MCC: variants seen among roughly 807,000 people sequenced by gnomAD.
MCC encodes MCC regulator of Wnt signaling pathway.
Under a neutral mutation model 116.2 loss-of-function variants are expected in MCC, and 90 were observed. The observed-to-expected ratio is 0.77, with a 90% confidence interval of 0.65 to 0.92. MCC has a LOEUF of 0.92. Ranked by LOEUF, MCC falls within the 40% of genes least tolerant of loss-of-function variation. The pLI is 0.00. For missense variants in MCC, 1,516 were observed against 1,312.2 expected (o/e 1.16, Z -2.40); for synonymous variants, 578 against 510.5 (o/e 1.13, Z -1.78).
chr5:113,177,250 TGAGGACTA>T (rs1581206542), intron 3 of MCC, among the ~76,000 whole-genome samples: 1 of 152,316 alleles, frequency 6.6e-6, no homozygotes, highest in East Asian at 1.9e-4. Context: ...GTAAACTCCT[TGAGGACTA>T]GCATTTTGTC....
At position 113,222,667 on chromosome 5, in the gene MCC, G is replaced by A. The variant is rs937276775; in HGVS notation, c.628-71245C>T. On this transcript the variant is annotated intron_variant, in intron 3 of 18. Transcript: ENST00000408903. The stretch of plus-strand genomic sequence containing the variant: ...GATTAATTCTCACTGGGGGAGAAAC[G>A]AAGAGAATATTCAAATCACATTTTG... 3.3e-5 allele frequency among the ~76,000 whole-genome samples: 5 copies of A among 152,188 alleles called. No homozygotes were observed. In the East Asian group the frequency reaches 5.8e-4, roughly 18 times the overall value.
Position 113,370,289 on chromosome 5 carries a change from G to A in MCC, c.415+14679C>T, listed in dbSNP as rs187565058. 5.8e-3 allele frequency among the ~76,000 whole-genome samples: 876 copies of A among 152,266 alleles called. 2 individuals are homozygous for A. The highest frequency in any genetic ancestry group is 8.8e-3 in the Non-Finnish European group (600 of 68,024). ...AACCATTCCTAGGCCATGAAGAGGCGAAGGTTTTTCCCTTTGGACACTGAG... is the reference window on the plus strand; with the variant it reads ...AACCATTCCTAGGCCATGAAGAGGCAAAGGTTTTTCCCTTTGGACACTGAG... On this transcript the variant is annotated intron_variant, in intron 2 of 18. Coordinates refer to ENST00000408903, the MANE Select transcript of MCC (RefSeq NM_001085377.2).
chr5:113,398,485 A>G (rs1434013463), intron 1 of MCC, among the ~76,000 whole-genome samples: 2 of 152,216 alleles, frequency 1.3e-5, no homozygotes, highest in African/African-American at 2.4e-5. Flanking sequence ...ATACCATGGA[A>G]TACCATGCAG....
chr5:113,285,711 A>G (rs13184538), intron 3 of MCC, among the ~76,000 whole-genome samples: 19,130 of 152,096 alleles, frequency 0.13, 1,334 homozygotes, highest in Non-Finnish European at 0.17. Flanking sequence ...TCCCCATTTC[A>G]TTCCCTGAGA....
At chr5:113,419,768 G>C (rs902089102) in intron 1 of MCC, among the ~76,000 whole-genome samples, 6 of 149,610 alleles carry the variant, frequency 4.0e-5, no homozygotes, top group Admixed American at 1.3e-4. Context: ...AACTATCTCA[G>C]GGACAAAAAA....
At chr5:113,100,075 T>C (rs1230680463) in intron 8 of MCC, among the ~76,000 whole-genome samples, 2 of 152,146 alleles carry the variant, frequency 1.3e-5, no homozygotes, top group East Asian at 1.9e-4. Context: ...GATGCAACTA[T>C]GGAGACTGTC....
At chr5:113,471,620 A>T (rs1772093511) in intron 1 of MCC, among the ~76,000 whole-genome samples, 1 of 151,986 alleles carries the variant, frequency 6.6e-6, no homozygotes, top group Non-Finnish European at 1.5e-5. Flanking sequence ...GGGGTCAGGG[A>T]CCCACTTGAG....
At chr5:113,107,208 C>CTTTTTTTTTTTTT (rs746820475) in intron 6 of MCC, among the ~76,000 whole-genome samples, 2 of 125,068 alleles carry the variant, frequency 1.6e-5, no homozygotes, top group African/African-American at 3.5e-5. Context: ...GCATGTTTTT[C>CTTTTTTTTTTTTT]TTTTTTTTTT....
At position 113,488,351 on chromosome 5, in the gene MCC, T is replaced by TGCCGCCGCCGCCGCCGCC. The variant is rs35336557; in HGVS notation, c.46_63dup (p.Gly16_Gly21dup). 2.7e-6 allele frequency: 4 copies of TGCCGCCGCCGCCGCCGCC among 1,455,516 alleles called. No homozygotes were observed. The highest frequency in any genetic ancestry group is 3.1e-5 in the East Asian group (1 of 32,352). 90.2% of individuals were successfully genotyped at this position (1,455,516 alleles called of 1,614,324 possible). ...TCGCTGCTGCTGCTGCTGCTGCCGC[T>TGCCGCCGCCGCCGCCGCC]GCCGCCGCCGCCGCCGCCGCTGCTG... is the stretch of plus-strand genomic sequence containing the variant. On this transcript the variant is annotated inframe_insertion, in exon 1 of 19. Transcript: ENST00000408903.
intron 2 of MCC, among the ~76,000 whole-genome samples, chr5:113,353,601 T>C (rs563725962): frequency 6.6e-6 from 1 of 152,260 alleles, no homozygotes; most frequent in South Asian, 2.1e-4. Flanking sequence ...TAAACCAATA[T>C]AGAATTGATA....
chr5:113,414,488 C>T (rs892697443), intron 1 of MCC, among the ~76,000 whole-genome samples: 3 of 152,162 alleles, frequency 2.0e-5, no homozygotes, highest in African/African-American at 7.2e-5. Context: ...ACAGTTAGCT[C>T]TTCTTGTTGA....
At chr5:113,396,539 A>C (rs964032131) in intron 1 of MCC, among the ~76,000 whole-genome samples, 7 of 152,042 alleles carry the variant, frequency 4.6e-5, no homozygotes, top group African/African-American at 1.7e-4. Flanking sequence ...CAGGAGGCTG[A>C]GGCAGTGGAT....
At chr5:113,411,970 A>G (rs1770004834) in intron 1 of MCC, among the ~76,000 whole-genome samples, 1 of 152,226 alleles carries the variant, frequency 6.6e-6, no homozygotes, top group African/African-American at 2.4e-5. Context: ...GAAGGGATCC[A>G]GTTTCAGCTT....
intron 11 of MCC, among the ~76,000 whole-genome samples, chr5:113,076,693 C>T (rs1246192989): frequency 6.6e-6 from 1 of 152,166 alleles, no homozygotes; most frequent in African/African-American, 2.4e-5. Flanking sequence ...CGGTACCAGC[C>T]ACTACAAAAA....
chr5:113,116,570 G>A (rs1477187371), intron 6 of MCC, among the ~76,000 whole-genome samples: 2 of 152,194 alleles, frequency 1.3e-5, no homozygotes, highest in Non-Finnish European at 2.9e-5. Flanking sequence ...CTCATTTTGA[G>A]TAAATGCTGT....
At chr5:113,108,773 C>A (rs932957385) in intron 6 of MCC, among the ~76,000 whole-genome samples, 5 of 152,090 alleles carry the variant, frequency 3.3e-5, no homozygotes, top group African/African-American at 9.7e-5. Context: ...ATCTACCCTT[C>A]AAACCAATGA....
chr5:113,067,219 C>T (rs980885738), intron 13 of MCC, among the ~76,000 whole-genome samples: 2 of 152,142 alleles, frequency 1.3e-5, no homozygotes, highest in Non-Finnish European at 1.5e-5. Context: ...ACAGGATCCC[C>T]GGGCTGGGGG....
At chr5:113,461,048 C>T (rs754065786) in intron 1 of MCC, among the ~76,000 whole-genome samples, 1 of 152,172 alleles carries the variant, frequency 6.6e-6, no homozygotes, top group Non-Finnish European at 1.5e-5. Context: ...GGCTTGAGGC[C>T]AGGAGTTTGA....
chr5:113,400,747 C>A (rs1338046835), intron 1 of MCC, among the ~76,000 whole-genome samples: 1 of 152,186 alleles, frequency 6.6e-6, no homozygotes, highest in African/African-American at 2.4e-5. Flanking sequence ...ATTCCTGGCA[C>A]CATACTTGGT....
Sources: gnomAD v4.1 joint callset for allele counts (sites outside exome capture counted in the v4.1 genomes callset) on GRCh38, gnomAD v4.1.1 for gene constraint, MANE v1.5 for transcripts, NCBI Gene and HGNC (gene_info 2026-07-23, HGNC 2026-07-21) for gene names.